Variants in GPR39 observed in about 807,000 individuals in gnomAD.
GPR39 encodes G protein-coupled receptor 39.
A neutral mutation model predicts 18.4 loss-of-function variants in GPR39; 23 were observed. That is an observed-to-expected ratio of 1.25 (90% confidence interval 0.90 to 1.77). The LOEUF (loss-of-function observed/expected upper bound fraction) is 1.77, where lower values mean the gene tolerates loss of function less well. Ranked by LOEUF, GPR39 falls within the 40% of genes most tolerant of loss-of-function variation. GPR39 has a pLI of 0.00. For missense variants in GPR39, 647 were observed against 602.4 expected (o/e 1.07, Z -0.78); for synonymous variants, 280 against 257.9 (o/e 1.09, Z -0.82).
At chr2:132,611,429 G>A (rs550001407) in intron 1 of GPR39, among the ~76,000 whole-genome samples, 7 of 152,290 alleles carry the variant, frequency 4.6e-5, no homozygotes, top group South Asian at 4.1e-4. Flanking sequence ...ACCTGATTCC[G>A]TTTTTGTTTT....
chr2:132,605,321 A>G (rs1234904391), intron 1 of GPR39, among the ~76,000 whole-genome samples: 1 of 152,192 alleles, frequency 6.6e-6, no homozygotes, highest in Admixed American at 6.5e-5. Flanking sequence ...AGATGAGTAG[A>G]CATCCCAGGC....
intron 1 of GPR39, among the ~76,000 whole-genome samples, chr2:132,475,893 A>T (rs1681117324): frequency 6.6e-6 from 1 of 152,162 alleles, no homozygotes; most frequent in South Asian, 2.1e-4. Context: ...CATAGTTGTC[A>T]TTATCTTCTG....
chr2:132,575,215 G>T (rs957388855), intron 1 of GPR39, among the ~76,000 whole-genome samples: 1 of 152,070 alleles, frequency 6.6e-6, no homozygotes, highest in Non-Finnish European at 1.5e-5. Context: ...AAAAGTTAAG[G>T]ACTTTACAGT....
intron 1 of GPR39, among the ~76,000 whole-genome samples, chr2:132,609,242 A>G (rs1681198182): frequency 6.6e-6 from 1 of 152,178 alleles, no homozygotes; most frequent in South Asian, 2.1e-4. Flanking sequence ...CTTCTTCCTC[A>G]TTGCCAGCTG....
chr2:132,591,287 A>AAAAAAC (rs1680838494), intron 1 of GPR39, among the ~76,000 whole-genome samples: 2 of 147,500 alleles, frequency 1.4e-5, no homozygotes, highest in African/African-American at 5.0e-5. Context: ...ACAAAAAAAA[A>AAAAAAC]CAGAGGAACA....
chr2:132,637,082 A>G (rs1309339419), intron 1 of GPR39, among the ~76,000 whole-genome samples: 1 of 152,252 alleles, frequency 6.6e-6, no homozygotes, highest in Non-Finnish European at 1.5e-5. Context: ...GTTGAGATCT[A>G]CATAGAAAAA....
chr2:132,548,684 A>G (rs1241273539), intron 1 of GPR39, among the ~76,000 whole-genome samples: 1 of 152,200 alleles, frequency 6.6e-6, no homozygotes, highest in East Asian at 1.9e-4. Flanking sequence ...TCTGAGTCTC[A>G]GTTTCCTCAA....
intron 1 of GPR39, among the ~76,000 whole-genome samples, chr2:132,518,099 C>T (rs1336338204): frequency 6.6e-6 from 1 of 152,188 alleles, no homozygotes; most frequent in Middle Eastern, 3.2e-3. Context: ...CATATTAGCT[C>T]AGTGAAGACT....
chr2:132,511,580 C>T (rs1260228085), intron 1 of GPR39, among the ~76,000 whole-genome samples: 1 of 152,138 alleles, frequency 6.6e-6, no homozygotes, highest in Non-Finnish European at 1.5e-5. Context: ...AGGGAGAACT[C>T]TGACTCTTTG....
intron 1 of GPR39, among the ~76,000 whole-genome samples, chr2:132,430,273 G>A (rs1680201936): frequency 6.6e-6 from 1 of 152,318 alleles, no homozygotes; most frequent in African/African-American, 2.4e-5. Context: ...AACCTTTGTG[G>A]GTGGAGCCCT....
intron 1 of GPR39, among the ~76,000 whole-genome samples, chr2:132,549,840 T>C (rs1415042094): frequency 6.6e-6 from 1 of 152,168 alleles, no homozygotes; most frequent in East Asian, 1.9e-4. Flanking sequence ...AAGAATCTCA[T>C]ATAACGAATG....
At chr2:132,624,929 CTT>C in intron 1 of GPR39, among the ~76,000 whole-genome samples, 1 of 152,318 alleles carries the variant, frequency 6.6e-6, no homozygotes, top group South Asian at 2.1e-4. Context: ...ACCCTTTTCT[CTT>C]TGCATATACT....
At chr2:132,590,507 C>T (rs1680807393) in intron 1 of GPR39, among the ~76,000 whole-genome samples, 1 of 151,938 alleles carries the variant, frequency 6.6e-6, no homozygotes, top group African/African-American at 2.4e-5. Context: ...AGGCGCAAGA[C>T]CTATGGTGGG....
chr2:132,583,912 G>A (rs1295411506), intron 1 of GPR39, among the ~76,000 whole-genome samples: 1 of 151,998 alleles, frequency 6.6e-6, no homozygotes, highest in African/African-American at 2.4e-5. Flanking sequence ...AGAATCAGGT[G>A]AGAACTATGT....
At chr2:132,603,680 G>A (rs111888717) in intron 1 of GPR39, among the ~76,000 whole-genome samples, 1 of 152,148 alleles carries the variant, frequency 6.6e-6, no homozygotes, top group East Asian at 1.9e-4. Flanking sequence ...GAGGAGAAAA[G>A]GTGATCACAA....
At position 132,646,010 on chromosome 2, in the gene GPR39, G is replaced by A. The variant is rs769000476; in HGVS notation, c.*404G>A. On this transcript the variant is annotated 3_prime_UTR_variant, in exon 2 of 2. Transcript: ENST00000329321. ...GGGGGGTTGGGGGCGAGGGCTGGAA[G>A]AACAATGCAGGAGGGGGTGGCATCT... 1.7e-5 allele frequency: 25 copies of A among 1,465,538 alleles called. No individual in the cohort carries two copies. In the South Asian group the frequency reaches 2.2e-4, roughly 13 times the overall value. The allele number at this position is 1,465,538 out of a possible 1,614,324, so 90.8% of individuals were successfully genotyped here. A position where few individuals can be genotyped will look rare whatever the true frequency, so the allele number is the denominator to read the frequency against.
At chr2:132,531,116 C>G (rs1276996643) in intron 1 of GPR39, among the ~76,000 whole-genome samples, 2 of 152,108 alleles carry the variant, frequency 1.3e-5, no homozygotes, top group Non-Finnish European at 2.9e-5. Context: ...CCCATCTCAC[C>G]TGCAGAGACA....
chr2:132,517,077 C>T (rs1365358571), intron 1 of GPR39, among the ~76,000 whole-genome samples: 1 of 151,880 alleles, frequency 6.6e-6, no homozygotes, highest in African/African-American at 2.4e-5. Context: ...AGCGGACACT[C>T]TTCAGGTTTT....
At position 132,599,265 on chromosome 2, in the gene GPR39, A is replaced by C. The variant is rs1163162721; in HGVS notation, c.857-45836A>C. On this transcript the variant is annotated intron_variant, in intron 1 of 1. Transcript: ENST00000329321. ...TAAATATCTTTTTAAAAAGCAAAGAAACATCTATTTGTCTTTCATATTTCA... is the reference window on the plus strand; with the variant it reads ...TAAATATCTTTTTAAAAAGCAAAGACACATCTATTTGTCTTTCATATTTCA... Among the ~76,000 whole-genome samples the C allele has an allele frequency of 2.0e-5, 3 of 152,206 alleles. No homozygotes were observed. In the East Asian group the frequency reaches 5.8e-4, roughly 29 times the overall value.
Sources: allele counts gnomAD v4.1 joint callset (sites outside exome capture counted in the v4.1 genomes callset), GRCh38; gene constraint gnomAD v4.1.1; transcripts MANE v1.5; gene names NCBI Gene and HGNC (gene_info 2026-07-23, HGNC 2026-07-21).